VSIG10: variants seen among roughly 807,000 people sequenced by gnomAD.
The protein encoded by VSIG10 is V-set and immunoglobulin domain-containing protein 10.
VSIG10 carries 48 observed loss-of-function variants against 58.7 expected under a neutral mutation model. The ratio of observed to expected loss-of-function variants is 0.82; its 90% CI spans 0.65 to 1.04. The LOEUF (loss-of-function observed/expected upper bound fraction) is 1.04. Among genes scored for constraint, VSIG10 ranks in the 50% least tolerant of loss-of-function variants. VSIG10 has a pLI of 0.00. For missense variants in VSIG10, 628 were observed against 670.0 expected (o/e 0.94, Z 0.69); for synonymous variants, 260 against 267.1 (o/e 0.97, Z 0.26).
intron 1 of VSIG10, among the ~76,000 whole-genome samples, chr12:118,098,958 T>G (rs1205664416): frequency 1.3e-5 from 2 of 151,250 alleles, no homozygotes; most frequent in Non-Finnish European, 2.9e-5. Flanking sequence ...CTGGACAGTC[T>G]TGAACTCCTG....
chr12:118,078,164 A>G (rs2032799118), intron 4 of VSIG10, among the ~76,000 whole-genome samples: 1 of 151,708 alleles, frequency 6.6e-6, no homozygotes, highest in African/African-American at 2.4e-5. Context: ...TTTTGTCACT[A>G]TTTTCTTTTT....
chr12:118,076,278 T>C (rs2032722426), intron 4 of VSIG10, among the ~76,000 whole-genome samples: 1 of 151,986 alleles, frequency 6.6e-6, no homozygotes, highest in Admixed American at 6.6e-5. Flanking sequence ...AACCTGCAGC[T>C]GCGGGCTAAA....
intron 5 of VSIG10, among the ~76,000 whole-genome samples, chr12:118,073,247 A>C (rs1315158466): frequency 6.6e-6 from 1 of 151,754 alleles, no homozygotes; most frequent in Non-Finnish European, 1.5e-5. Context: ...CTGGTCTCAA[A>C]CTCCTGGCCT....
chr12:118,103,787 G>A lies in VSIG10; in HGVS notation c.-116C>T, dbSNP rs2033682485. ...CCTCCCAGGTCCTCGGAACGGCAGA[G>A]TGGCCCCACTTCCTCGGCCCCCAGG... On this transcript the variant is annotated 5_prime_UTR_variant, in exon 1 of 9. Transcript: ENST00000359236. 2 of 1,012,948 alleles carry A rather than the reference G, an allele frequency of 2.0e-6. No homozygotes were observed. The highest frequency in any genetic ancestry group is 2.7e-6 in the Non-Finnish European group (2 of 749,196). 62.7% of individuals were successfully genotyped at this position (1,012,948 alleles called of 1,614,324 possible).
chr12:118,102,091 C>G (rs1338668535), intron 1 of VSIG10: 1 of 152,458 alleles, frequency 6.6e-6, no homozygotes, highest in Non-Finnish European at 1.5e-5. Flanking sequence ...GCCTGGGCAA[C>G]AGAGCGAGAG....
chr12:118,094,274 G>GT (rs1419835308), intron 2 of VSIG10, among the ~76,000 whole-genome samples: 2 of 152,112 alleles, frequency 1.3e-5, no homozygotes, highest in African/African-American at 4.8e-5. Context: ...ATGATATACT[G>GT]TAACTTTGTT....
chr12:118,083,228 G>A (rs530661012), intron 2 of VSIG10, among the ~76,000 whole-genome samples: 1 of 150,052 alleles, frequency 6.7e-6, no homozygotes, highest in Admixed American at 6.7e-5. Context: ...GATCACTTGA[G>A]GCCAGGAGTT....
chr12:118,093,163 G>C (rs913058402), intron 2 of VSIG10, among the ~76,000 whole-genome samples: 13 of 151,234 alleles, frequency 8.6e-5, no homozygotes, highest in Non-Finnish European at 1.9e-4. Flanking sequence ...GCTGGGTGTG[G>C]TGGCGGGCGC....
At chr12:118,094,243 C>G (rs1272299678) in intron 2 of VSIG10, among the ~76,000 whole-genome samples, 1 of 152,044 alleles carries the variant, frequency 6.6e-6, no homozygotes, top group African/African-American at 2.4e-5. Context: ...CAGTCCCACA[C>G]CACCGCACCT....
intron 2 of VSIG10, among the ~76,000 whole-genome samples, chr12:118,084,590 G>A (rs1482015829): frequency 4.6e-5 from 7 of 152,174 alleles, no homozygotes; most frequent in Non-Finnish European, 1.0e-4. Flanking sequence ...CTACAGATAA[G>A]CTTGGCAGGC....
chr12:118,066,547 G>A lies in VSIG10; in HGVS notation c.*92C>T. The A allele has an allele frequency of 1.4e-6, 2 of 1,426,730 alleles. No individual in the cohort carries two copies. Among genetic ancestry groups the A allele is most frequent in the Non-Finnish European group, 2.0e-6 (2 of 1,010,832 alleles). The allele number at this position is 1,426,730 out of a possible 1,614,324, so 88.4% of individuals were successfully genotyped here. A position where few individuals can be genotyped will look rare whatever the true frequency, so the allele number is the denominator to read the frequency against. ...ATTGTTAGTGCAAGCCCCCGCCAGG[G>A]GTGCAGGTGGAGTCAAAGCTGAATG... On this transcript the variant is annotated 3_prime_UTR_variant, in exon 9 of 9. Coordinates refer to ENST00000359236, the MANE Select transcript of VSIG10 (RefSeq NM_019086.6).
intron 7 of VSIG10, among the ~76,000 whole-genome samples, chr12:118,069,995 G>C (rs956959032): frequency 3.3e-5 from 5 of 152,140 alleles, no homozygotes; most frequent in African/African-American, 1.2e-4. Flanking sequence ...GGGAATGACA[G>C]ACTTACTAAG....
At position 118,100,758 on chromosome 12, in the gene VSIG10, AC is replaced by A. The variant is rs370092657; in HGVS notation, c.79+2834del. Reference sequence around the variant, plus strand: ...TGGCCAGGCTGGTCTTGAACTCCTGACCTCAGGTGATCTGCCCACTTCGGCC... The same window carrying A: ...TGGCCAGGCTGGTCTTGAACTCCTGACTCAGGTGATCTGCCCACTTCGGCC... On this transcript the variant is annotated intron_variant, in intron 1 of 8. Coordinates refer to ENST00000359236, the MANE Select transcript of VSIG10 (RefSeq NM_019086.6). Among the ~76,000 whole-genome samples the A allele has an allele frequency of 7.7e-4, 117 of 152,160 alleles. 1 individual carries two copies. Among genetic ancestry groups the A allele is most frequent in the African/African-American group, 2.6e-3 (107 of 41,546 alleles).
intron 2 of VSIG10, among the ~76,000 whole-genome samples, chr12:118,090,077 G>A (rs1436573581): frequency 1.3e-5 from 2 of 152,176 alleles, no homozygotes; most frequent in Non-Finnish European, 2.9e-5. Flanking sequence ...ACTTTGGGAG[G>A]CTGAGGCGGG....
intron 2 of VSIG10, among the ~76,000 whole-genome samples, chr12:118,088,999 G>A (rs897369569): frequency 6.6e-6 from 1 of 150,580 alleles, no homozygotes; most frequent in African/African-American, 2.4e-5. Flanking sequence ...CCAGGCTGGG[G>A]TGCAGTGGTG....
intron 8 of VSIG10, among the ~76,000 whole-genome samples, chr12:118,067,324 T>C (rs2032284685): frequency 6.6e-6 from 1 of 152,164 alleles, no homozygotes; most frequent in Non-Finnish European, 1.5e-5. Context: ...GTGCCTATAA[T>C]TTTTAAATGT....
intron 1 of VSIG10, chr12:118,101,699 T>C (rs1397284804): frequency 6.6e-6 from 1 of 152,204 alleles, no homozygotes; most frequent in Non-Finnish European, 1.5e-5. Context: ...GCATATAAGT[T>C]GTCTGGCATT....
chr12:118,082,092 G>T lies in VSIG10; in HGVS notation c.664+35C>A, dbSNP rs761443902. The T allele has an allele frequency of 3.8e-6, 6 of 1,598,538 alleles. No homozygotes were observed. The Admixed American group carries it at 5.1e-5, about 14-fold the overall frequency. ...TTCATAAGTTCACAAAGGGTTAAGG[G>T]GAAGAAGCGGGGCAGAGGAGTGCTG... On this transcript the variant is annotated intron_variant, in intron 3 of 8. Coordinates refer to ENST00000359236, the MANE Select transcript of VSIG10 (RefSeq NM_019086.6).
At chr12:118,069,224 G>T (rs569881330) in intron 7 of VSIG10, among the ~76,000 whole-genome samples, 1 of 152,020 alleles carries the variant, frequency 6.6e-6, no homozygotes, top group South Asian at 2.1e-4. Context: ...CAAGTAGCTG[G>T]GACTACAGGC....
Sources: gnomAD v4.1 joint callset for allele counts (sites outside exome capture counted in the v4.1 genomes callset) on GRCh38, gnomAD v4.1.1 for gene constraint, MANE v1.5 for transcripts, NCBI Gene and HGNC (gene_info 2026-07-23, HGNC 2026-07-21) for gene names.